Variants in METTL8 observed in about 807,000 individuals in gnomAD.
METTL8 encodes tRNA N(3)-cytidine methyltransferase METTL8, mitochondrial.
A neutral mutation model predicts 48.7 loss-of-function variants in METTL8; 32 were observed. The ratio of observed to expected loss-of-function variants is 0.66; its 90% CI spans 0.50 to 0.88. The LOEUF (loss-of-function observed/expected upper bound fraction) is 0.88. Among genes scored for constraint, METTL8 ranks in the 40% least tolerant of loss-of-function variants. The pLI is 0.00. For missense variants in METTL8, 464 were observed against 474.4 expected (o/e 0.98, Z 0.20); for synonymous variants, 136 against 157.1 (o/e 0.87, Z 1.01).
intron 1 of METTL8, among the ~76,000 whole-genome samples, chr2:171,405,950 A>G (rs1323770452): frequency 6.6e-6 from 1 of 152,228 alleles, no homozygotes; most frequent in Non-Finnish European, 1.5e-5. Context: ...AAAGGACACT[A>G]ACAACATTTG....
At position 171,316,304 on chromosome 2, in the gene METTL8, G is replaced by T. The variant is rs139138344; in HGVS notation, c.*7868C>A. 2.6e-5 allele frequency among the ~76,000 whole-genome samples: 4 copies of T among 152,298 alleles called. No homozygotes were observed. The highest frequency in any genetic ancestry group is 5.9e-5 in the Non-Finnish European group (4 of 68,016). On this transcript the variant is annotated 3_prime_UTR_variant, in exon 10 of 10. Coordinates refer to ENST00000375258, the MANE Select transcript of METTL8 (RefSeq NM_001321154.2). ...GAAAACAAGTCCCCAAGTTGCTACT[G>T]AGCCAAACTGTAAAGGCCAGTCAGG...
At chr2:171,333,870 A>AGAT (rs1685798495) in intron 5 of METTL8, among the ~76,000 whole-genome samples, 1 of 152,160 alleles carries the variant, frequency 6.6e-6, no homozygotes, top group South Asian at 2.1e-4. Context: ...TTAAAAAAAG[A>AGAT]GATAAACATG....
At chr2:171,348,604 C>G (rs1683549115) in intron 3 of METTL8, among the ~76,000 whole-genome samples, 1 of 151,906 alleles carries the variant, frequency 6.6e-6, no homozygotes, top group Non-Finnish European at 1.5e-5. Flanking sequence ...TTATGGGCCA[C>G]TATTTGTGGG....
At chr2:171,347,068 C>G (rs922190031) in intron 3 of METTL8, among the ~76,000 whole-genome samples, 1 of 152,188 alleles carries the variant, frequency 6.6e-6, no homozygotes, top group African/African-American at 2.4e-5. Context: ...TGCAGTGGTC[C>G]CCTGACAGGT....
chr2:171,350,454 T>G (rs1431808513), intron 3 of METTL8, among the ~76,000 whole-genome samples: 1 of 152,206 alleles, frequency 6.6e-6, no homozygotes, highest in Non-Finnish European at 1.5e-5. Context: ...GCAGCATGAT[T>G]TATAATCCTT....
intron 1 of METTL8, among the ~76,000 whole-genome samples, chr2:171,418,049 T>C (rs1280373109): frequency 6.6e-6 from 1 of 152,144 alleles, no homozygotes; most frequent in East Asian, 1.9e-4. Context: ...GTTCACGCCT[T>C]TCTCCTGCCT....
Position 171,316,032 on chromosome 2 carries a change from A to T in METTL8, c.*8140T>A, listed in dbSNP as rs908239252. Among the ~76,000 whole-genome samples the T allele has an allele frequency of 9.9e-5, 15 of 152,212 alleles. No individual in the cohort carries two copies. Among genetic ancestry groups the T allele is most frequent in the Non-Finnish European group, 2.1e-4 (14 of 68,042 alleles). On this transcript the variant is annotated 3_prime_UTR_variant, in exon 10 of 10. Transcript: ENST00000375258. The stretch of plus-strand genomic sequence containing the variant: ...ACGTAGTAGGTGAAAAACAGCAAAG[A>T]GGTAATTCTTTATTCTCGAGAGCTT...
In METTL8 at chr2:171,318,764, G is replaced by A. The variant is rs1484780403; in HGVS notation, c.*5408C>T. The A allele has an allele frequency of 5.3e-5, 8 of 151,660 alleles. No homozygotes were observed. Among genetic ancestry groups the A allele is most frequent in the Admixed American group, 4.0e-4 (6 of 15,188 alleles). 9.4% of individuals were successfully genotyped at this position (151,660 alleles called of 1,614,324 possible). On this transcript the variant is annotated 3_prime_UTR_variant, in exon 10 of 10. Transcript: ENST00000375258. ...AAACAAACTCCTCTCCACTGCTATC[G>A]TTTTCTGCTTGACTCAGAAAGCTCT... is the stretch of plus-strand genomic sequence containing the variant.
chr2:171,397,908 G>A (rs1339199892), intron 1 of METTL8, among the ~76,000 whole-genome samples: 1 of 152,142 alleles, frequency 6.6e-6, no homozygotes, highest in Non-Finnish European at 1.5e-5. Context: ...AATTACATTT[G>A]TAATTAAAAT....
chr2:171,334,022 A>C (rs1055898494), intron 5 of METTL8, among the ~76,000 whole-genome samples: 3 of 152,124 alleles, frequency 2.0e-5, no homozygotes, highest in African/African-American at 7.2e-5. Context: ...ATTATTATTA[A>C]AGGAGATTGT....
chr2:171,371,750 G>T (rs1037097463), intron 2 of METTL8, among the ~76,000 whole-genome samples: 1 of 152,036 alleles, frequency 6.6e-6, no homozygotes, highest in Non-Finnish European at 1.5e-5. Context: ...TTCGGCCTCA[G>T]CCTCCTGAGT....
At position 171,319,144 on chromosome 2, in the gene METTL8, C is replaced by A. The variant is rs1575693370; in HGVS notation, c.*5028G>T. ...GTCTTTCTTACAATGTCTCATAAAA[C>A]CTTTGAAAAAGTCACTGTTGCTGGA... On this transcript the variant is annotated 3_prime_UTR_variant, in exon 10 of 10. Transcript: ENST00000375258. 6.6e-6 allele frequency: 1 copy of A among 152,104 alleles called. No individual in the cohort carries two copies. The highest frequency in any genetic ancestry group is 1.5e-5 in the Non-Finnish European group (1 of 68,018). 9.4% of individuals were successfully genotyped at this position (152,104 alleles called of 1,614,324 possible).
At chr2:171,337,721 T>C (rs1395151143) in intron 4 of METTL8, among the ~76,000 whole-genome samples, 1 of 139,340 alleles carries the variant, frequency 7.2e-6, no homozygotes, top group Non-Finnish European at 1.6e-5. Context: ...AAACCCAAAA[T>C]AAACCAAATT....
At chr2:171,326,445 G>A in intron 7 of METTL8, 1 of 299,244 alleles carries the variant, frequency 3.3e-6, no homozygotes, top group Non-Finnish European at 6.0e-6. Context: ...AACCACAGAT[G>A]TTTCCTGGTA....
At chr2:171,424,049 A>C (rs1268504761) in intron 1 of METTL8, among the ~76,000 whole-genome samples, 1 of 152,248 alleles carries the variant, frequency 6.6e-6, no homozygotes, top group Admixed American at 6.5e-5. Flanking sequence ...AAAAGGGGCC[A>C]AGGTACAGCA....
chr2:171,343,471 T>A (rs1016633697), intron 3 of METTL8, among the ~76,000 whole-genome samples: 2 of 150,188 alleles, frequency 1.3e-5, no homozygotes, highest in African/African-American at 4.9e-5. Flanking sequence ...ATATAAAAAA[T>A]AAAATAATAA....
chr2:171,344,634 G>A (rs1687093194), intron 3 of METTL8, among the ~76,000 whole-genome samples: 1 of 152,158 alleles, frequency 6.6e-6, no homozygotes, highest in Non-Finnish European at 1.5e-5. Context: ...ATGATGAAAT[G>A]ATGAGCAATA....
At chr2:171,374,609 C>T (rs1233435186) in intron 2 of METTL8, among the ~76,000 whole-genome samples, 1 of 152,048 alleles carries the variant, frequency 6.6e-6, no homozygotes, top group Admixed American at 6.6e-5. Flanking sequence ...ATGTCCATTC[C>T]CTTCAAGTTT....
intron 5 of METTL8, among the ~76,000 whole-genome samples, chr2:171,333,894 T>C (rs1438199173): frequency 6.6e-6 from 1 of 152,136 alleles, no homozygotes; most frequent in South Asian, 2.1e-4. Flanking sequence ...TCTAAGATGG[T>C]TGTTTGAAGT....
Sources: gnomAD v4.1 joint callset for allele counts (sites outside exome capture counted in the v4.1 genomes callset) on GRCh38, gnomAD v4.1.1 for gene constraint, MANE v1.5 for transcripts, NCBI Gene and HGNC (gene_info 2026-07-23, HGNC 2026-07-21) for gene names.